The following COL12A1 variants were observed in gnomAD, a reference collection of about 807,000 sequenced individuals.
COL12A1 encodes the protein collagen type XII alpha 1 chain.
COL12A1 carries 114 observed loss-of-function variants against 349.7 expected under a neutral mutation model. That is an observed-to-expected ratio of 0.33 (90% confidence interval 0.28 to 0.38). COL12A1 has a LOEUF of 0.38. COL12A1 is among the 10% of genes least tolerant of loss of function. The pLI is 1.00. For missense variants in COL12A1, 3,284 were observed against 3,756.9 expected, an observed-to-expected ratio of 0.87 and a Z score of 3.29; for synonymous variants, 1,369 against 1,329.0, an observed-to-expected ratio of 1.03 and a Z score of -0.66.
At chr6:75,124,465 T>TA in intron 40 of COL12A1, 94 bp from the exon 41 acceptor site, 87 of 870,992 alleles carry the variant, frequency 1.0e-4, no homozygotes, top group Middle Eastern at 6.3e-4. Flanking sequence ...TCACTGTGGC[T>TA]AAAAAAAAGT....
Position 75,133,926 on chromosome 6 carries a change from G to C in COL12A1, c.5596C>G (p.His1866Asp). The change falls in exon 33 of 66, where the codon CAT becomes GAT. Residue 1866 changes from histidine to aspartate, a missense_variant. His to Asp is a moderately conservative substitution (Grantham distance 81). Coordinates refer to ENST00000322507, the MANE Select transcript of COL12A1 (RefSeq NM_004370.6). ...STSTLNVRWD[H>D]AEGNPRQYKL... ...TACTGACGAGGATTTCCCTCTGCAT[G>C]GTCCCAGCGGACATTCAAGGTGCTG... is the stretch of plus-strand genomic sequence containing the variant. The C allele has an allele frequency of 6.2e-7, 1 of 1,614,034 alleles. No individual in the cohort carries two copies. The highest frequency in any genetic ancestry group is 8.5e-7 in the Non-Finnish European group (1 of 1,179,966).
rs200378966 is a variant in COL12A1, at chr6:75,191,711, G to T, written c.384C>A (p.Thr128=). 1.3e-6 allele frequency: 2 copies of T among 1,593,170 alleles called. No homozygotes were observed. Among genetic ancestry groups the T allele is most frequent in the African/African-American group, 1.4e-5 (1 of 73,370 alleles). Residue 128 remains threonine, a synonymous_variant, in exon 5 of 66, where the codon ACC becomes ACA. Coordinates refer to ENST00000322507, the MANE Select transcript of COL12A1 (RefSeq NM_004370.6). The stretch of plus-strand genomic sequence containing the variant: ...AAGAGAAACACTCACTTTGTATCTC[G>T]GTTTTTCCAGGTTTCTTCTCCACTG... ...TKPVEKKPGK[T]EIQKCSVSAW... is the part of the protein sequence containing the mutation.
intron 47 of COL12A1, 58 bp from the exon 48 acceptor site, chr6:75,116,115 T>C (rs2149361818): frequency 1.3e-6 from 2 of 1,521,902 alleles, no homozygotes; most frequent in Non-Finnish European, 1.8e-6. Flanking sequence ...AAATTATATA[T>C]GCACAGAAAG....
intron 46 of COL12A1, among the ~76,000 whole-genome samples, chr6:75,118,469 GC>G (rs1769193503): frequency 6.6e-6 from 1 of 152,116 alleles, no homozygotes; most frequent in Admixed American, 6.5e-5. Flanking sequence ...GGGTAGGGGG[GC>G]TGTTAATGCA....
rs1767507967 is a variant in COL12A1 at position 75,151,860 on chromosome 6, T to C, written c.4000+7A>G. 1 of 1,613,382 alleles carries C rather than the reference T, an allele frequency of 6.2e-7. No homozygotes were observed. Among genetic ancestry groups the C allele is most frequent in the Non-Finnish European group, 8.5e-7 (1 of 1,179,576 alleles). On this transcript the variant is annotated splice_region_variant and intron_variant, in intron 20 of 65. Coordinates refer to ENST00000322507, the MANE Select transcript of COL12A1 (RefSeq NM_004370.6). ...CCAGGGGCATCACTGTCCTTTTCAG[T>C]GCGTACCAATAGCAAACAGCTCCAC...
At chr6:75,176,800 A>G (rs1299878020) in intron 12 of COL12A1, among the ~76,000 whole-genome samples, 1 of 152,206 alleles carries the variant, frequency 6.6e-6, no homozygotes, top group Admixed American at 6.5e-5. Context: ...GTAACTTTTC[A>G]TTATTGCTAA....
chr6:75,169,039 T>A (rs1768476992), intron 13 of COL12A1, among the ~76,000 whole-genome samples: 1 of 152,130 alleles, frequency 6.6e-6, no homozygotes, highest in African/African-American at 2.4e-5. Context: ...TGGACACATG[T>A]GGGATGTTCA....
chr6:75,162,616 C>G (rs986365693), intron 14 of COL12A1, among the ~76,000 whole-genome samples: 6 of 152,102 alleles, frequency 3.9e-5, no homozygotes, highest in African/African-American at 9.7e-5. Context: ...GGCTTCATGA[C>G]TAAAACACCA....
At position 75,109,151 on chromosome 6, in the gene COL12A1, G is replaced by A; in HGVS notation, c.7967C>T (p.Thr2656Ile). ...GSFHKVHIVV[T>I]SKSVKIYIDC... ...AATGTAAATCTTAACACTTTTTGAG[G>A]TCACTACAATATGAACCTAAAAAGA... is the stretch of plus-strand genomic sequence containing the variant. The change falls in exon 52 of 66, where the codon ACC becomes ATC. Residue 2656 changes from threonine (T) to isoleucine (I), a missense_variant. Thr to Ile is a moderately conservative substitution (Grantham distance 89). This residue lies in a region of COL12A1 where 683 missense variants were observed against 932.1 expected (regional missense o/e 0.73). Coordinates refer to ENST00000322507, the MANE Select transcript of COL12A1 (RefSeq NM_004370.6). 6.3e-7 allele frequency: 1 copy of A among 1,589,330 alleles called. No individual in the cohort carries two copies.
At chr6:75,158,939 TAATA>T (rs1455005156) in intron 14 of COL12A1, among the ~76,000 whole-genome samples, 2 of 151,980 alleles carry the variant, frequency 1.3e-5, no homozygotes, top group Non-Finnish European at 2.9e-5. Flanking sequence ...AGTGGGGGTG[TAATA>T]AATAAAGTAT....
Position 75,086,498 on chromosome 6 carries a change from A to G in COL12A1, c.*49T>C, listed in dbSNP as rs1465235219. On this transcript the variant is annotated 3_prime_UTR_variant, in exon 66 of 66. Transcript: ENST00000322507. ...CGTGCGCAAACATCTCAGAAACAGG[A>G]TTTTCATGTATTCAAACTGTAAGCA... 3.8e-6 allele frequency: 6 copies of G among 1,570,476 alleles called. No homozygotes were observed. The Admixed American group carries it at 1.0e-4, about 27-fold the overall frequency.
chr6:75,133,785 C>T (rs1467357230), intron 33 of COL12A1, 73 bp downstream of exon 33: 1 of 1,562,042 alleles, frequency 6.4e-7, no homozygotes, highest in Non-Finnish European at 8.8e-7. Context: ...TGGTTAACTC[C>T]TTCAGTTCCA....
chr6:75,189,925 A>C, intron 5 of COL12A1, 110 bp from the exon 6 acceptor site: 1 of 1,165,918 alleles, frequency 8.6e-7, no homozygotes, highest in Non-Finnish European at 1.2e-6. Context: ...TCATTAGAAC[A>C]TATTCACCAA....
At chr6:75,124,174 C>A (rs1415915146) in intron 41 of COL12A1, 80 bp from the exon 42 acceptor site, 1 of 1,593,496 alleles carries the variant, frequency 6.3e-7, no homozygotes, top group Non-Finnish European at 8.6e-7. Context: ...TTGTTATAAA[C>A]AAAATGGCAT....
intron 24 of COL12A1, among the ~76,000 whole-genome samples, 156 bp from the exon 25 acceptor site, chr6:75,145,611 C>CTTT (rs56698330): frequency 0.031 from 3,727 of 120,974 alleles, 158 homozygotes; most frequent in African/African-American, 0.1. Flanking sequence ...CTGATGTTTT[C>CTTT]TTTTTTTTTT....
intron 58 of COL12A1, among the ~76,000 whole-genome samples, chr6:75,098,408 C>T (rs551876599): frequency 1.3e-5 from 2 of 152,304 alleles, no homozygotes; most frequent in African/African-American, 4.8e-5. Context: ...AATCCCAGCA[C>T]TTTGGGAGGC....
At chr6:75,089,334 G>C (rs945691746) in intron 63 of COL12A1, among the ~76,000 whole-genome samples, 160 bp from the exon 64 acceptor site, 1 of 152,130 alleles carries the variant, frequency 6.6e-6, no homozygotes, top group African/African-American at 2.4e-5. Flanking sequence ...GTTCTTTCTA[G>C]ACATTTGTGT....
At position 75,155,776 on chromosome 6, in the gene COL12A1, G is replaced by A; in HGVS notation, c.3329C>T (p.Ala1110Val). ...MSSFRVTWEP[A>V]PGEVKGYKVT... ...TTTATAACCCTTCACTTCCCCAGGG[G>A]CAGGCTCCCAAGTCACTCGGAAGCT... Residue 1110 changes from alanine (A) to valine (V), a missense_variant, in exon 16 of 66, where the codon GCC (alanine) becomes GTC (valine). Ala to Val is a moderately conservative substitution (Grantham distance 64). Coordinates refer to ENST00000322507, the MANE Select transcript of COL12A1 (RefSeq NM_004370.6). 2 of 1,613,496 alleles carry A rather than the reference G, an allele frequency of 1.2e-6. No homozygotes were observed. Among genetic ancestry groups the A allele is most frequent in the Non-Finnish European group, 1.7e-6 (2 of 1,179,670 alleles).
At chr6:75,137,825 G>A (rs1368460809) in intron 30 of COL12A1, among the ~76,000 whole-genome samples, 1 of 152,066 alleles carries the variant, frequency 6.6e-6, no homozygotes, top group Admixed American at 6.6e-5. Context: ...GAGAGATGGG[G>A]CCTTTGGGTG....
Sources: allele counts gnomAD v4.1 joint callset (sites outside exome capture counted in the v4.1 genomes callset), GRCh38; gene constraint gnomAD v4.1.1; regional missense constraint gnomAD v4.1.1; transcripts MANE v1.5; gene names NCBI Gene and HGNC (gene_info 2026-07-23, HGNC 2026-07-21).